Variants in GPD2 observed in about 807,000 individuals in gnomAD.
The protein encoded by GPD2 is glycerol-3-phosphate dehydrogenase, mitochondrial.
Under a neutral mutation model 82.4 loss-of-function variants are expected in GPD2, and 54 were observed. That is an observed-to-expected ratio of 0.66 (90% CI 0.53 to 0.82). The LOEUF (loss-of-function observed/expected upper bound fraction) is 0.82, where lower values mean the gene tolerates loss of function less well. Among genes scored for constraint, GPD2 ranks in the 40% least tolerant of loss-of-function variants. GPD2 has a pLI of 0.00. For synonymous variants in GPD2, 288 were observed against 306.1 expected, an observed-to-expected ratio of 0.94 and a Z score of 0.62; for missense variants, 748 against 896.2, an observed-to-expected ratio of 0.83 and a Z score of 2.11.
chr2:156,497,061 T>C (rs1434931960), intron 3 of GPD2, among the ~76,000 whole-genome samples: 1 of 152,244 alleles, frequency 6.6e-6, no homozygotes, highest in Non-Finnish European at 1.5e-5. Context: ...TTGTGTTTAA[T>C]AAAATACTAT....
At chr2:156,434,220 C>CA (rs1203135404), upstream of GPD2, among the ~76,000 whole-genome samples, 1 of 152,148 alleles carries the variant, frequency 6.6e-6, no homozygotes, top group Non-Finnish European at 1.5e-5. Context: ...TCTCCTGCCT[C>CA]AGCTTCCTGA....
At chr2:156,416,514 GTTTT>G in the GPD2 span, among the ~76,000 whole-genome samples, 26,623 of 118,116 alleles carry the variant, frequency 0.23, 2,811 homozygotes, top group Non-Finnish European at 0.28. Context: ...TGCCCAGCTA[GTTTT>G]TTTTTTTTTT....
intron 2 of GPD2, among the ~76,000 whole-genome samples, chr2:156,492,841 A>T (rs911713874): frequency 1.3e-5 from 2 of 152,194 alleles, no homozygotes; most frequent in African/African-American, 2.4e-5. Context: ...ACCAGCAACT[A>T]CATTTATAAT....
At chr2:156,451,725 C>A (rs371151984) in intron 1 of GPD2, among the ~76,000 whole-genome samples, 1 of 140,806 alleles carries the variant, frequency 7.1e-6, no homozygotes, top group African/African-American at 2.7e-5. Flanking sequence ...CCGGACGGGG[C>A]GGCTGGCCGG....
the GPD2 span, among the ~76,000 whole-genome samples, chr2:156,429,925 A>G: frequency 6.6e-6 from 1 of 152,214 alleles, no homozygotes; most frequent in South Asian, 2.1e-4. Flanking sequence ...TTAATCTTTT[A>G]GATACTCTAT....
At chr2:156,453,493 A>C (rs999659577) in intron 1 of GPD2, among the ~76,000 whole-genome samples, 1 of 152,188 alleles carries the variant, frequency 6.6e-6, no homozygotes, top group Non-Finnish European at 1.5e-5. Context: ...TGATATAAAT[A>C]GTGGGGATGC....
upstream of GPD2, among the ~76,000 whole-genome samples, chr2:156,432,153 G>T (rs1222410121): frequency 6.6e-6 from 1 of 152,164 alleles, no homozygotes; most frequent in Non-Finnish European, 1.5e-5. Flanking sequence ...CTCCCAAAGT[G>T]CTGGGATTAC....
chr2:156,540,272 G>A (rs1268363319), intron 6 of GPD2, among the ~76,000 whole-genome samples: 38 of 152,140 alleles, frequency 2.5e-4, no homozygotes, highest in Admixed American at 2.5e-3. Flanking sequence ...GAAATGGGAT[G>A]GTACTGCTAT....
At chr2:156,428,226 CTT>C in the GPD2 span, among the ~76,000 whole-genome samples, 1 of 152,194 alleles carries the variant, frequency 6.6e-6, no homozygotes, top group Non-Finnish European at 1.5e-5. Flanking sequence ...AGGCTGCAGA[CTT>C]TGCTTTCTAC....
chr2:156,463,815 T>G (rs1683066964), intron 1 of GPD2, among the ~76,000 whole-genome samples: 1 of 152,216 alleles, frequency 6.6e-6, no homozygotes, highest in African/African-American at 2.4e-5. Context: ...AAAGGAATAT[T>G]GAGTCGAACC....
intron 1 of GPD2, among the ~76,000 whole-genome samples, chr2:156,444,016 C>G (rs1051484582): frequency 2.0e-5 from 3 of 152,226 alleles, no homozygotes; most frequent in South Asian, 2.1e-4. Flanking sequence ...TATAGCCACT[C>G]AAGTGTGGCT....
At chr2:156,436,919 G>A (rs1282000069) in intron 1 of GPD2, among the ~76,000 whole-genome samples, 1 of 152,154 alleles carries the variant, frequency 6.6e-6, no homozygotes, top group Non-Finnish European at 1.5e-5. Context: ...CGTCCTAGGA[G>A]GAAATGGAAG....
chr2:156,428,771 A>G, the GPD2 span, among the ~76,000 whole-genome samples: 1 of 152,208 alleles, frequency 6.6e-6, no homozygotes, highest in Admixed American at 6.5e-5. Flanking sequence ...ATGAACTTTA[A>G]TTTGTAACTG....
At chr2:156,451,809 C>T (rs1212896115) in intron 1 of GPD2, among the ~76,000 whole-genome samples, 4 of 151,756 alleles carry the variant, frequency 2.6e-5, no homozygotes, top group Non-Finnish European at 4.4e-5. Context: ...ACTTCCCAGA[C>T]GGGGTGGCTG....
At position 156,454,406 on chromosome 2, in the gene GPD2, C is replaced by T. The variant is rs192841847; in HGVS notation, c.-9+17893C>T. On this transcript the variant is annotated intron_variant, in intron 1 of 16. Transcript: ENST00000438166. The stretch of plus-strand genomic sequence containing the variant: ...GTGTGGTGTCTCAGGCCTGTAATCT[C>T]AGTGCTTTGGTAGGCCAAATGGGAG... Among the ~76,000 whole-genome samples, 4 of 151,698 alleles carry T rather than the reference C, an allele frequency of 2.6e-5. No homozygotes were observed. In the East Asian group the frequency reaches 7.8e-4, roughly 29 times the overall value.
chr2:156,402,603 C>T, the GPD2 span, among the ~76,000 whole-genome samples: 1 of 152,174 alleles, frequency 6.6e-6, no homozygotes, highest in Non-Finnish European at 1.5e-5. Flanking sequence ...TAAGGCCTCA[C>T]TTTCATGGTG....
At chr2:156,550,943 G>C (rs573068048) in intron 8 of GPD2, among the ~76,000 whole-genome samples, 197 bp downstream of exon 8, 2 of 152,150 alleles carry the variant, frequency 1.3e-5, no homozygotes, top group Non-Finnish European at 2.9e-5. Context: ...GGCAATACTC[G>C]TTTCTAAGGG....
In GPD2 at chr2:156,569,421, A is replaced by C. The variant is rs1687522762; in HGVS notation, c.1359A>C (p.Lys453Asn). The C allele has an allele frequency of 6.2e-7, 1 of 1,611,948 alleles. No individual in the cohort carries two copies. Among genetic ancestry groups the C allele is most frequent in the Non-Finnish European group, 8.5e-7 (1 of 1,178,170 alleles). Residue 453 changes from lysine to asparagine, a missense_variant, in exon 11 of 17, where the codon AAA becomes AAC. This residue lies in a region of GPD2 where 692 missense variants were observed against 809.7 expected (regional missense o/e 0.85). Transcript: ENST00000438166. ...MAEDTINAAV[K>N]THNLKAGPSR... ...AAGATACCATAAATGCTGCTGTCAA[A>C]ACTCATAATTTAAAAGCAGGACCAA...
At chr2:156,418,268 C>A in the GPD2 span, among the ~76,000 whole-genome samples, 1 of 151,464 alleles carries the variant, frequency 6.6e-6, no homozygotes, top group East Asian at 1.9e-4. Context: ...GTGGTGGGCA[C>A]CTGTAATCCC....
Sources: gnomAD v4.1 joint callset for allele counts (sites outside exome capture counted in the v4.1 genomes callset) on GRCh38, gnomAD v4.1.1 for gene constraint, gnomAD v4.1.1 regional missense constraint, MANE v1.5 for transcripts, NCBI Gene and HGNC (gene_info 2026-07-23, HGNC 2026-07-21) for gene names.